Variants in OXNAD1 observed in about 807,000 individuals in gnomAD.
OXNAD1 encodes the protein oxidoreductase NAD-binding domain-containing protein 1.
A neutral mutation model predicts 32.9 loss-of-function variants in OXNAD1; 34 were observed. The ratio of observed to expected loss-of-function variants is 1.03; its 90% CI spans 0.79 to 1.38. The LOEUF (loss-of-function observed/expected upper bound fraction) is 1.38, where lower values mean the gene tolerates loss of function less well. Ranked by LOEUF, OXNAD1 falls within the 40% of genes most tolerant of loss-of-function variation. OXNAD1 has a pLI of 0.00. For missense variants in OXNAD1, 407 were observed against 379.4 expected (o/e 1.07, Z -0.60); for synonymous variants, 134 against 135.2 (o/e 0.99, Z 0.06).
chr3:16,333,824 C>A (rs1434743130), intron 9 of OXNAD1, among the ~76,000 whole-genome samples: 2 of 152,278 alleles, frequency 1.3e-5, no homozygotes, highest in East Asian at 3.9e-4. Flanking sequence ...GATTCAAACA[C>A]CCACTAAGTG....
rs1420446012 is a variant in OXNAD1 at position 16,289,804 on chromosome 3, ACTC to A, written c.290+3362_290+3364del. Among the ~76,000 whole-genome samples the A allele has an allele frequency of 1.3e-5, 2 of 151,840 alleles. No individual in the cohort carries two copies. The highest frequency in any genetic ancestry group is 4.8e-5 in the African/African-American group (2 of 41,312). On this transcript the variant is annotated intron_variant, in intron 5 of 8. Coordinates refer to ENST00000285083, the MANE Select transcript of OXNAD1 (RefSeq NM_138381.5). The surrounding 1 kb of genome is among the most constrained non-coding windows in gnomAD (Gnocchi z 4.9). ...AATTCCTGTACTCCTGGTAGAATTG[ACTC>A]CTCCTTCCTCTGCCTTGCCTCGCTA...
downstream of OXNAD1, among the ~76,000 whole-genome samples, chr3:16,340,288 T>C (rs945694195): frequency 6.6e-6 from 1 of 152,360 alleles, no homozygotes; most frequent in South Asian, 2.1e-4. Context: ...AGCTAGCACA[T>C]TGGGGCTTGC....
rs374583562 is a variant in OXNAD1 at position 16,321,716 on chromosome 3, C to T, written c.*31-15396C>T. ...TAATTAGGTACATGGAAAGAGAAAG[C>T]AGTCCACCCAGATGAGTACAGCTGC... On this transcript the variant is annotated intron_variant, in intron 9 of 9. Transcript: ENST00000435829. This position sits in a 1 kb window ranked among gnomAD's most constrained non-coding sequence, Gnocchi z 4.8. Among the ~76,000 whole-genome samples the T allele has an allele frequency of 2.6e-5, 4 of 152,204 alleles. No homozygotes were observed. Among genetic ancestry groups the T allele is most frequent in the African/African-American group, 4.8e-5 (2 of 41,448 alleles).
rs1424393822 is a variant in OXNAD1 at position 16,335,793 on chromosome 3, AAAG to A, written c.*31-1318_*31-1316del. ...TGGAACTTTAAAAAAAAAAAAAAAA[AAAG>A]GAGTTTGATCACACCATCAAATATC... On this transcript the variant is annotated intron_variant, in intron 9 of 9. Transcript: ENST00000435829. The surrounding 1 kb of genome is among the most constrained non-coding windows in gnomAD (Gnocchi z 4.7). Among the ~76,000 whole-genome samples, 2 of 141,036 alleles carry A rather than the reference AAAG, an allele frequency of 1.4e-5. No individual in the cohort carries two copies. Among genetic ancestry groups the A allele is most frequent in the South Asian group, 2.1e-4 (1 of 4,716 alleles). The allele number at this position is 141,036 out of a possible 152,430, so 92.5% of individuals were successfully genotyped here. A position where few individuals can be genotyped will look rare whatever the true frequency, so the allele number is the denominator to read the frequency against.
rs1267663352 is a variant in OXNAD1, at chr3:16,329,098, G to C, written c.*31-8014G>C. On this transcript the variant is annotated intron_variant, in intron 9 of 9. Coordinates refer to the OXNAD1 transcript ENST00000435829. The surrounding 1 kb of genome is among the most constrained non-coding windows in gnomAD (Gnocchi z 4.5). ...CAGAAGGGCTCCACTCTTGTGAATGGGTTAATGCCAACTCAGGCAAAGGGC... is the reference window on the plus strand; with the variant it reads ...CAGAAGGGCTCCACTCTTGTGAATGCGTTAATGCCAACTCAGGCAAAGGGC... Among the ~76,000 whole-genome samples the C allele has an allele frequency of 2.0e-5, 3 of 152,220 alleles. No individual in the cohort carries two copies. Among genetic ancestry groups the C allele is most frequent in the African/African-American group, 7.2e-5 (3 of 41,456 alleles).
Position 16,280,916 on chromosome 3 carries a change from T to TC in OXNAD1, c.184-5425dup, listed in dbSNP as rs1486365827. 6.6e-6 allele frequency among the ~76,000 whole-genome samples: 1 copy of TC among 152,200 alleles called. No individual in the cohort carries two copies. Among genetic ancestry groups the TC allele is most frequent in the African/African-American group, 2.4e-5 (1 of 41,452 alleles). ...CATAAATGTTGTTTTATGGAAAACT[T>TC]CATTTCCTGCCATGTGTTTTAACTT... On this transcript the variant is annotated intron_variant, in intron 4 of 8. Transcript: ENST00000285083. This position sits in a 1 kb window ranked among gnomAD's most constrained non-coding sequence, Gnocchi z 4.5.
chr3:16,325,878 C>CA (rs2069638192), intron 9 of OXNAD1, among the ~76,000 whole-genome samples: 1 of 152,326 alleles, frequency 6.6e-6, no homozygotes, highest in Non-Finnish European at 1.5e-5. Flanking sequence ...GGTGAATATG[C>CA]AGTAGGGCTT....
At chr3:16,272,486 C>T (rs879553981) in intron 4 of OXNAD1, among the ~76,000 whole-genome samples, 12 of 152,098 alleles carry the variant, frequency 7.9e-5, no homozygotes, top group Non-Finnish European at 1.6e-4. Flanking sequence ...CTTCTACAAA[C>T]ATGGGCAGAA....
rs2068219560 is a variant in OXNAD1, at chr3:16,314,780, A to C, written c.*30+11188A>C. On this transcript the variant is annotated intron_variant, in intron 9 of 9. Coordinates refer to the OXNAD1 transcript ENST00000435829. The surrounding 1 kb of genome is among the most constrained non-coding windows in gnomAD (Gnocchi z 4.4). ...TGAAAAATGTACCCAAAGCTGAGCAATGTAAGGCCCTCTAGCCTGGAACCG... is the reference window on the plus strand; with the variant it reads ...TGAAAAATGTACCCAAAGCTGAGCACTGTAAGGCCCTCTAGCCTGGAACCG... The C allele has an allele frequency of 6.6e-6, 1 of 152,244 alleles. No homozygotes were observed. Among genetic ancestry groups the C allele is most frequent in the Admixed American group, 6.5e-5 (1 of 15,288 alleles). The allele number at this position is 152,244 out of a possible 1,614,324, so 9.4% of individuals were successfully genotyped here.
At position 16,327,558 on chromosome 3, in the gene OXNAD1, GACCATCCTGGCTA is replaced by G. The variant is rs1380316368; in HGVS notation, c.*31-9551_*31-9539del. ...GTGGATCACATGGTCAGGAGATCAA[GACCATCCTGGCTA>G]ACACAGTGAAACCCCGTCTCTACTA... On this transcript the variant is annotated intron_variant, in intron 9 of 9. Transcript: ENST00000435829. This position sits in a 1 kb window ranked among gnomAD's most constrained non-coding sequence, Gnocchi z 4.2. Among the ~76,000 whole-genome samples, 1 of 152,066 alleles carries G rather than the reference GACCATCCTGGCTA, an allele frequency of 6.6e-6. No individual in the cohort carries two copies. The highest frequency in any genetic ancestry group is 1.5e-5 in the Non-Finnish European group (1 of 68,008).
In OXNAD1 at chr3:16,280,558, A is replaced by G. The variant is rs1385513229; in HGVS notation, c.184-5784A>G. ...TGTAAAATGGCATATGATTCTTGAT[A>G]ATGACTAAAGTTTCCTTCAATTCTG... On this transcript the variant is annotated intron_variant, in intron 4 of 8. Coordinates refer to ENST00000285083, the MANE Select transcript of OXNAD1 (RefSeq NM_138381.5). The surrounding 1 kb of genome is among the most constrained non-coding windows in gnomAD (Gnocchi z 4.5). 3.9e-5 allele frequency among the ~76,000 whole-genome samples: 6 copies of G among 152,116 alleles called. No homozygotes were observed. Among genetic ancestry groups the G allele is most frequent in the African/African-American group, 1.2e-4 (5 of 41,406 alleles).
rs1490271816 is a variant in OXNAD1 at position 16,327,677 on chromosome 3, C to T, written c.*31-9435C>T. 3.3e-5 allele frequency among the ~76,000 whole-genome samples: 5 copies of T among 151,946 alleles called. No individual in the cohort carries two copies. The highest frequency in any genetic ancestry group is 7.4e-5 in the Non-Finnish European group (5 of 67,984). On this transcript the variant is annotated intron_variant, in intron 9 of 9. Coordinates refer to the OXNAD1 transcript ENST00000435829. The surrounding 1 kb of genome is among the most constrained non-coding windows in gnomAD (Gnocchi z 4.2). ...TCGGGAGGCTGAGGCAGGAGAATGG[C>T]GTGAACCCGGGAGGTGGAGCTTGCA... is the stretch of plus-strand genomic sequence containing the variant.
intron 9 of OXNAD1, among the ~76,000 whole-genome samples, chr3:16,332,973 A>T (rs916720980): frequency 6.6e-6 from 1 of 152,332 alleles, no homozygotes; most frequent in South Asian, 2.1e-4. Context: ...TCTTGGAAGC[A>T]TCTGGTCGCA....
intron 4 of OXNAD1, among the ~76,000 whole-genome samples, chr3:16,281,934 G>A (rs1575083337): frequency 8.8e-6 from 1 of 113,006 alleles, no homozygotes; most frequent in Non-Finnish European, 1.7e-5. Context: ...GGTCTCACTT[G>A]GCTCACTGCA....
chr3:16,266,003 C>T (rs2064468671), intron 1 of OXNAD1: 1 of 687,912 alleles, frequency 1.5e-6, no homozygotes, highest in South Asian at 6.5e-5. Flanking sequence ...TTGGTAAAAC[C>T]GATTACATTG....
chr3:16,308,827 G>C (rs2067753206), downstream of OXNAD1, among the ~76,000 whole-genome samples: 1 of 152,078 alleles, frequency 6.6e-6, no homozygotes, highest in South Asian at 2.1e-4. The surrounding 1 kb of genome is among the most constrained non-coding windows in gnomAD (Gnocchi z 4.4). Flanking sequence ...GCCCCTTCCA[G>C]CTCATCCCCA....
chr3:16,271,849 T>C lies in OXNAD1; in HGVS notation c.183+127T>C. The C allele has an allele frequency of 1.2e-6, 1 of 822,508 alleles. No homozygotes were observed. The highest frequency in any genetic ancestry group is 2.0e-5 in the South Asian group (1 of 50,336). 51.0% of individuals were successfully genotyped at this position (822,508 alleles called of 1,614,324 possible). ...AGGAGAGTTGGGAAGTTTGTTATTT[T>C]TCTATTTAGAAATTTTCTGAGCAGG... On this transcript the variant is annotated intron_variant, in intron 4 of 8. Coordinates refer to ENST00000285083, the MANE Select transcript of OXNAD1 (RefSeq NM_138381.5). The surrounding 1 kb of genome is among the most constrained non-coding windows in gnomAD (Gnocchi z 4.6).
downstream of OXNAD1, among the ~76,000 whole-genome samples, chr3:16,337,628 G>A (rs2125274997): frequency 6.6e-6 from 1 of 151,838 alleles, no homozygotes; most frequent in East Asian, 1.9e-4. The surrounding 1 kb of genome is among the most constrained non-coding windows in gnomAD (Gnocchi z 5.0). Flanking sequence ...TGTAGTCCCA[G>A]CTACTCGGGA....
chr3:16,302,307 A>G lies in OXNAD1; in HGVS notation c.676-333A>G, dbSNP rs2067239247. ...TCACTGGGGATTGCTTTGCAGCTGC[A>G]GGAATGAACAAAAGAACAGAAACAG... On this transcript the variant is annotated intron_variant, in intron 7 of 8. Coordinates refer to ENST00000285083, the MANE Select transcript of OXNAD1 (RefSeq NM_138381.5). The surrounding 1 kb of genome is among the most constrained non-coding windows in gnomAD (Gnocchi z 4.2). Among the ~76,000 whole-genome samples, 2 of 152,246 alleles carry G rather than the reference A, an allele frequency of 1.3e-5. No homozygotes were observed. Among genetic ancestry groups the G allele is most frequent in the South Asian group, 4.1e-4 (2 of 4,832 alleles).
Sources: allele counts gnomAD v4.1 joint callset (sites outside exome capture counted in the v4.1 genomes callset), GRCh38; gene constraint gnomAD v4.1.1; non-coding constraint Gnocchi (gnomAD v3.1); transcripts MANE v1.5; gene names NCBI Gene and HGNC (gene_info 2026-07-23, HGNC 2026-07-21).